ROBO2: variants seen among roughly 807,000 people sequenced by gnomAD.
ROBO2 encodes the protein roundabout homolog 2.
Under a neutral mutation model 160.8 loss-of-function variants are expected in ROBO2, and 53 were observed. The ratio of observed to expected loss-of-function variants is 0.33; its 90% CI spans 0.26 to 0.41. The LOEUF is 0.41. ROBO2 is among the 10% of genes least tolerant of loss of function. ROBO2 has a pLI of 1.00. For missense variants in ROBO2, 1,577 were observed against 1,722.4 expected, an observed-to-expected ratio of 0.92 and a Z score of 1.49; for synonymous variants, 664 against 611.7, an observed-to-expected ratio of 1.09 and a Z score of -1.26.
intron 2 of ROBO2, among the ~76,000 whole-genome samples, chr3:76,062,344 T>A (rs997149787): frequency 6.6e-6 from 1 of 152,020 alleles, no homozygotes; most frequent in African/African-American, 2.4e-5. Context: ...AATTTTTTTT[T>A]TATCAGAAAT....
chr3:75,909,236 C>T (rs1267549023), intron 1 of ROBO2, among the ~76,000 whole-genome samples: 4 of 151,930 alleles, frequency 2.6e-5, no homozygotes, highest in African/African-American at 7.2e-5. Flanking sequence ...CTTTCTTAAG[C>T]GGTAATAGTT....
At chr3:76,842,437 A>G (rs751295522) in intron 2 of ROBO2, among the ~76,000 whole-genome samples, 1 of 152,216 alleles carries the variant, frequency 6.6e-6, no homozygotes, top group Non-Finnish European at 1.5e-5. Context: ...GCACCACTGT[A>G]GTGGAAAGAC....
At chr3:76,275,924 G>T (rs772809090) in intron 2 of ROBO2, among the ~76,000 whole-genome samples, 8 of 151,912 alleles carry the variant, frequency 5.3e-5, no homozygotes, top group South Asian at 2.1e-4. Flanking sequence ...GAACTCGGAG[G>T]GGGGGAGCAC....
At chr3:76,919,388 G>A (rs1187667302) in intron 2 of ROBO2, among the ~76,000 whole-genome samples, 1 of 151,778 alleles carries the variant, frequency 6.6e-6, no homozygotes, top group Non-Finnish European at 1.5e-5. Flanking sequence ...AAAATATAAG[G>A]GTTAGCACAT....
intron 2 of ROBO2, among the ~76,000 whole-genome samples, chr3:77,316,144 T>G (rs1213759013): frequency 6.6e-6 from 1 of 152,132 alleles, no homozygotes; most frequent in Non-Finnish European, 1.5e-5. Context: ...CTTACTCTGG[T>G]GCAAGGACAA....
intron 2 of ROBO2, among the ~76,000 whole-genome samples, chr3:76,700,816 C>T (rs1450747534): frequency 6.6e-6 from 1 of 152,136 alleles, no homozygotes; most frequent in Admixed American, 6.6e-5. Flanking sequence ...CCAGTCTTGT[C>T]TCTACCCAGT....
chr3:77,379,351 A>T (rs1446215603), intron 2 of ROBO2, among the ~76,000 whole-genome samples: 1 of 152,174 alleles, frequency 6.6e-6, no homozygotes, highest in Non-Finnish European at 1.5e-5. Flanking sequence ...TTAATTTTGT[A>T]TCCAAAGTAT....
At chr3:75,950,369 C>T (rs1200093285) in intron 2 of ROBO2, among the ~76,000 whole-genome samples, 1 of 151,816 alleles carries the variant, frequency 6.6e-6, no homozygotes, top group Non-Finnish European at 1.5e-5. Context: ...TGTTAAGGAA[C>T]TGAAGGATTA....
intron 2 of ROBO2, among the ~76,000 whole-genome samples, chr3:76,921,108 A>G (rs1359650645): frequency 3.3e-5 from 5 of 152,192 alleles, no homozygotes; most frequent in African/African-American, 1.2e-4. Flanking sequence ...AAAACATCAG[A>G]CAGGTTTAGG....
At chr3:76,801,759 G>GA (rs1309706193) in intron 2 of ROBO2, among the ~76,000 whole-genome samples, 1 of 151,950 alleles carries the variant, frequency 6.6e-6, no homozygotes, top group Non-Finnish European at 1.5e-5. Flanking sequence ...CATTAGGTGC[G>GA]AGAGGCCTAG....
At chr3:76,030,896 C>A (rs983206475) in intron 2 of ROBO2, among the ~76,000 whole-genome samples, 1 of 152,102 alleles carries the variant, frequency 6.6e-6, no homozygotes, top group Non-Finnish European at 1.5e-5. Flanking sequence ...TTTTCCAATT[C>A]TGTGAAGAAA....
At chr3:76,479,170 A>G (rs1271349377) in intron 2 of ROBO2, among the ~76,000 whole-genome samples, 2 of 152,194 alleles carry the variant, frequency 1.3e-5, no homozygotes, top group African/African-American at 4.8e-5. Context: ...CCTTAGAAAT[A>G]CCACATGCAA....
At chr3:76,261,146 A>C (rs189404157) in intron 2 of ROBO2, among the ~76,000 whole-genome samples, 1 of 149,508 alleles carries the variant, frequency 6.7e-6, no homozygotes, top group African/African-American at 2.5e-5. Flanking sequence ...GTTGTGCTCA[A>C]ATTTTTCTTT....
chr3:77,374,632 G>T (rs2072369272), intron 2 of ROBO2, among the ~76,000 whole-genome samples: 1 of 152,064 alleles, frequency 6.6e-6, no homozygotes, highest in Non-Finnish European at 1.5e-5. Flanking sequence ...TCAATGACTT[G>T]ATTCTTAATT....
intron 2 of ROBO2, among the ~76,000 whole-genome samples, chr3:77,431,529 G>T (rs575201816): frequency 6.6e-6 from 1 of 152,080 alleles, no homozygotes; most frequent in Non-Finnish European, 1.5e-5. Flanking sequence ...TCAGCTTTTA[G>T]TGATGACCCT....
At chr3:76,270,383 T>C (rs1707358099) in intron 2 of ROBO2, among the ~76,000 whole-genome samples, 1 of 152,060 alleles carries the variant, frequency 6.6e-6, no homozygotes, top group Non-Finnish European at 1.5e-5. Context: ...CTAGTTTATA[T>C]ATTGCAGCAA....
intron 2 of ROBO2, among the ~76,000 whole-genome samples, chr3:76,335,245 G>A (rs1182172761): frequency 5.1e-5 from 7 of 138,242 alleles, no homozygotes; most frequent in African/African-American, 8.1e-5. Context: ...GCAGTGGCGC[G>A]ATCTCTGCTC....
At chr3:76,019,242 G>T (rs687813) in intron 2 of ROBO2, among the ~76,000 whole-genome samples, 1 of 150,632 alleles carries the variant, frequency 6.6e-6, no homozygotes, top group African/African-American at 2.5e-5. Flanking sequence ...TAATATTTGC[G>T]TTATCGCCTC....
intron 2 of ROBO2, among the ~76,000 whole-genome samples, chr3:76,768,007 A>C (rs1481451329): frequency 6.6e-6 from 1 of 151,538 alleles, no homozygotes; most frequent in Non-Finnish European, 1.5e-5. Flanking sequence ...CATAACTATA[A>C]TATTAAATTT....
Sources: gnomAD v4.1 joint callset for allele counts (sites outside exome capture counted in the v4.1 genomes callset) on GRCh38, gnomAD v4.1.1 for gene constraint, MANE v1.5 for transcripts, NCBI Gene and HGNC (gene_info 2026-07-23, HGNC 2026-07-21) for gene names.